The following DAAM2 variants were observed in gnomAD, a reference collection of about 807,000 sequenced individuals.
DAAM2 encodes the protein dishevelled associated activator of morphogenesis 2.
DAAM2 carries 39 observed loss-of-function variants against 120.7 expected under a neutral mutation model. The observed-to-expected ratio is 0.32, with a 90% confidence interval of 0.25 to 0.42. The LOEUF (loss-of-function observed/expected upper bound fraction) is 0.42. Ranked by LOEUF, DAAM2 falls within the 10% of genes least tolerant of loss-of-function variation. The pLI, the probability that DAAM2 is intolerant of heterozygous loss-of-function variation, is 1.00. For synonymous variants in DAAM2, 488 were observed against 524.9 expected (o/e 0.93, Z 0.96); for missense variants, 1,283 against 1,401.7 (o/e 0.92, Z 1.35).
chr6:39,856,822 T>C (rs892137552), intron 2 of DAAM2, among the ~76,000 whole-genome samples: 8 of 152,344 alleles, frequency 5.3e-5, no homozygotes, highest in South Asian at 2.1e-4. Flanking sequence ...CTTTCTCTCT[T>C]CTGCTCCTTG....
Position 39,868,681 on chromosome 6 carries a change from G to C in DAAM2, c.763-142G>C, listed in dbSNP as rs565346976. The C allele has an allele frequency of 4.4e-5, 28 of 641,660 alleles. No individual in the cohort carries two copies. The East Asian group carries it at 7.8e-4, about 18-fold the overall frequency. 39.7% of individuals were successfully genotyped at this position (641,660 alleles called of 1,614,324 possible). A position where few individuals can be genotyped will look rare whatever the true frequency, so the allele number is the denominator to read the frequency against. On this transcript the variant is annotated intron_variant, in intron 6 of 24. Coordinates refer to ENST00000274867, the MANE Select transcript of DAAM2 (RefSeq NM_001201427.2). ...CAGAGGTGAGGTTTGGGGCAGCCCA[G>C]AGTAAATTGGACAGACCTGATTGGG...
rs539726150 is a variant in DAAM2 at position 39,897,165 on chromosome 6, T to C, written c.2511-10T>C. On this transcript the variant is annotated splice_polypyrimidine_tract_variant and intron_variant, in intron 20 of 24. Coordinates refer to ENST00000274867, the MANE Select transcript of DAAM2 (RefSeq NM_001201427.2). ...CTGTCACTTACCACTGACCTGACTT[T>C]CATCCACAGAAACATCTCTCTGCTC... 1.2e-6 allele frequency: 2 copies of C among 1,607,260 alleles called. No individual in the cohort carries two copies. The highest frequency in any genetic ancestry group is 1.1e-5 in the South Asian group (1 of 90,866).
chr6:39,867,954 A>C, intron 6 of DAAM2, 111 bp downstream of exon 6: 1 of 990,256 alleles, frequency 1.0e-6, no homozygotes, highest in Non-Finnish European at 1.5e-6. Context: ...AAGGAAAGTA[A>C]TGTGGTCTGC....
intron 11 of DAAM2, 34 bp downstream of exon 11, chr6:39,875,502 C>T: frequency 1.3e-6 from 2 of 1,598,788 alleles, no homozygotes; most frequent in South Asian, 1.1e-5. Context: ...CTGTCTTCCT[C>T]CACCTTCCTC....
chr6:39,856,607 G>A lies in DAAM2; in HGVS notation c.168+137G>A. The A allele has an allele frequency of 5.0e-6, 3 of 600,532 alleles. No homozygotes were observed. The East Asian group carries it at 1.0e-4, about 21-fold the overall frequency. The allele number at this position is 600,532 out of a possible 1,614,324, so 37.2% of individuals were successfully genotyped here. A position where few individuals can be genotyped will look rare whatever the true frequency, so the allele number is the denominator to read the frequency against. ...CTCTTGGGAGGAGATAGGCCCCCAG[G>A]ACACCTCAGCTATGTTGGGGAACCA... On this transcript the variant is annotated intron_variant, in intron 2 of 24. Coordinates refer to ENST00000274867, the MANE Select transcript of DAAM2 (RefSeq NM_001201427.2).
intron 1 of DAAM2, among the ~76,000 whole-genome samples, chr6:39,831,007 T>G (rs1276905911): frequency 6.6e-6 from 1 of 152,144 alleles, no homozygotes; most frequent in Non-Finnish European, 1.5e-5. Context: ...AACGTGAGGG[T>G]GTGGGCATCA....
At chr6:39,861,814 G>C (rs961556446) in intron 3 of DAAM2, 1 of 153,048 alleles carries the variant, frequency 6.5e-6, no homozygotes, top group African/African-American at 2.4e-5. Flanking sequence ...ACATTGCTTT[G>C]GTGTTTGGGG....
rs71819776 is a variant in DAAM2 at position 39,845,989 on chromosome 6, AGGTTG to A, written c.-56-10256_-56-10252del. On this transcript the variant is annotated intron_variant, in intron 1 of 24. Transcript: ENST00000274867. ...TGGCTAGGAAAGGGGGAAATGAGAG[AGGTTG>A]GCCCTGGTCTCAGCACGGGATCACG... 3.0e-3 allele frequency among the ~76,000 whole-genome samples: 461 copies of A among 152,170 alleles called. 1 individual carries two copies. Among genetic ancestry groups the A allele is most frequent in the African/African-American group, 9.8e-3 (407 of 41,502 alleles).
At chr6:39,900,676 T>C (rs1766423337) in intron 23 of DAAM2, among the ~76,000 whole-genome samples, 1 of 152,196 alleles carries the variant, frequency 6.6e-6, no homozygotes, top group African/African-American at 2.4e-5. Flanking sequence ...GATTCTCATT[T>C]AGGAGGCCTG....
Position 39,891,676 on chromosome 6 carries a change from G to A in DAAM2, c.2295G>A (p.Lys765=). 6.2e-7 allele frequency: 1 copy of A among 1,611,046 alleles called. No homozygotes were observed. Among genetic ancestry groups the A allele is most frequent in the Non-Finnish European group, 8.5e-7 (1 of 1,178,642 alleles). ...AGCGACTGCAAGCCCTCTTCTTCAA[G>A]AAGAAATTCCAGGAGCGGCTGGCTG... is the stretch of plus-strand genomic sequence containing the variant. ...YQQRLQALFF[K]KKFQERLAEA... Residue 765 remains lysine (K), a synonymous_variant, in exon 19 of 25, where the codon AAG becomes AAA. Transcript: ENST00000274867.
At chr6:39,838,612 G>A (rs1186581841) in intron 1 of DAAM2, among the ~76,000 whole-genome samples, 1 of 152,114 alleles carries the variant, frequency 6.6e-6, no homozygotes, top group East Asian at 1.9e-4. Flanking sequence ...AACCATCCCA[G>A]TTTGCCTGAG....
chr6:39,876,436 G>T (rs1390797101), intron 11 of DAAM2, among the ~76,000 whole-genome samples: 1 of 152,198 alleles, frequency 6.6e-6, no homozygotes, highest in Non-Finnish European at 1.5e-5. Flanking sequence ...CTGGGAAAGT[G>T]ATCAAAAGGT....
In DAAM2 at chr6:39,879,291, C is replaced by T; in HGVS notation, c.1659C>T (p.Pro553=). The T allele has an allele frequency of 1.4e-6, 2 of 1,459,832 alleles. No individual in the cohort carries two copies. Among genetic ancestry groups the T allele is most frequent in the Admixed American group, 1.9e-5 (1 of 51,730 alleles). The allele number at this position is 1,459,832 out of a possible 1,614,324, so 90.4% of individuals were successfully genotyped here. Residue 553 remains proline, a synonymous_variant, in exon 14 of 25, where the codon CCC becomes CCT. Coordinates refer to ENST00000274867, the MANE Select transcript of DAAM2 (RefSeq NM_001201427.2). ...CTCCTCTGCCCTTTGCCTGTTGTCC[C>T]CCTCCCCCACCACCACCCCTTCCTC... ...PPPPLPFACC[P]PPPPPPLPPG...
chr6:39,827,998 C>G (rs985288256), intron 1 of DAAM2, among the ~76,000 whole-genome samples: 2 of 152,190 alleles, frequency 1.3e-5, no homozygotes, highest in African/African-American at 4.8e-5. Flanking sequence ...CTAACGCCTC[C>G]TCCTCCCCAC....
At chr6:39,856,107 C>T in intron 1 of DAAM2, 140 bp from the exon 2 acceptor site, 1 of 1,198,302 alleles carries the variant, frequency 8.3e-7, no homozygotes, top group Non-Finnish European at 1.0e-6. Context: ...GGAGGGGCGA[C>T]AGCGGGGTGG....
intron 8 of DAAM2, among the ~76,000 whole-genome samples, chr6:39,871,235 G>A (rs747533574): frequency 2.0e-5 from 3 of 152,088 alleles, no homozygotes; most frequent in African/African-American, 7.2e-5. Flanking sequence ...AAAGATAAGC[G>A]AGCCCAAAAT....
chr6:39,826,330 A>G (rs1231760510), intron 1 of DAAM2, among the ~76,000 whole-genome samples: 1 of 152,036 alleles, frequency 6.6e-6, no homozygotes, highest in East Asian at 1.9e-4. Context: ...GCTCCCTGCC[A>G]TGAGTACTTT....
chr6:39,890,362 C>G (rs528593979), intron 17 of DAAM2, among the ~76,000 whole-genome samples: 2 of 152,078 alleles, frequency 1.3e-5, no homozygotes, highest in Non-Finnish European at 2.9e-5. Context: ...ATAAATTCCC[C>G]GAACTGTGAA....
Position 39,824,299 on chromosome 6 carries a change from A to G in DAAM2, c.-57+31834A>G, listed in dbSNP as rs529780053. Reference sequence around the variant, plus strand: ...CCCATCCCCCTAGAGCCCGTGCCCCAGCAGGGGGCATCTTGGGGTCTAGCT... The same window carrying G: ...CCCATCCCCCTAGAGCCCGTGCCCCGGCAGGGGGCATCTTGGGGTCTAGCT... On this transcript the variant is annotated intron_variant, in intron 1 of 24. Coordinates refer to ENST00000274867, the MANE Select transcript of DAAM2 (RefSeq NM_001201427.2). Among the ~76,000 whole-genome samples the G allele has an allele frequency of 5.7e-4, 87 of 152,220 alleles. 2 individuals carry two copies. Among genetic ancestry groups the G allele is most frequent in the African/African-American group, 1.8e-3 (76 of 41,544 alleles).
Sources: gnomAD v4.1 joint callset for allele counts (sites outside exome capture counted in the v4.1 genomes callset) on GRCh38, gnomAD v4.1.1 for gene constraint, MANE v1.5 for transcripts, NCBI Gene and HGNC (gene_info 2026-07-23, HGNC 2026-07-21) for gene names.